SCOC: variants seen among roughly 807,000 people sequenced by gnomAD.
SCOC encodes short coiled coil protein.
SCOC carries 7 observed loss-of-function variants against 9.9 expected under a neutral mutation model. That is an observed-to-expected ratio of 0.71 (90% CI 0.40 to 1.33). The LOEUF (loss-of-function observed/expected upper bound fraction) is 1.33. SCOC is among the 40% of genes most tolerant of loss of function. SCOC has a pLI of 0.01. For synonymous variants in SCOC, 19 were observed against 28.2 expected (o/e 0.67, Z 1.03); for missense variants, 66 against 89.7 (o/e 0.74, Z 1.07).
upstream of SCOC, among the ~76,000 whole-genome samples, chr4:140,371,346 C>T (rs1042564172): frequency 6.6e-5 from 10 of 152,092 alleles, no homozygotes; most frequent in African/African-American, 2.2e-4. Flanking sequence ...TTCTTCCCTA[C>T]GGCGATATAC....
chr4:140,354,001 T>C (rs1462189379), intron 2 of SCOC, among the ~76,000 whole-genome samples: 1 of 152,262 alleles, frequency 6.6e-6, no homozygotes, highest in Non-Finnish European at 1.5e-5. Context: ...GCTCGTAGTG[T>C]GACGTTAGTA....
intron 1 of SCOC, among the ~76,000 whole-genome samples, chr4:140,303,711 C>T (rs1731879346): frequency 6.6e-6 from 1 of 152,172 alleles, no homozygotes; most frequent in Non-Finnish European, 1.5e-5. Context: ...GGAACTCTTA[C>T]TTCCTTTGGG....
intron 1 of SCOC, among the ~76,000 whole-genome samples, chr4:140,338,319 A>G (rs1733018627): frequency 6.6e-6 from 1 of 152,244 alleles, no homozygotes; most frequent in Admixed American, 6.5e-5. Flanking sequence ...AGAGCTATTT[A>G]TGACAAACCC....
intron 1 of SCOC, among the ~76,000 whole-genome samples, chr4:140,313,925 C>T (rs1732232956): frequency 6.6e-6 from 1 of 151,922 alleles, no homozygotes; most frequent in South Asian, 2.1e-4. Context: ...GTCAGGAATT[C>T]CAGACCAGCC....
chr4:140,353,923 C>G (rs748150582), intron 2 of SCOC, among the ~76,000 whole-genome samples: 2 of 152,228 alleles, frequency 1.3e-5, no homozygotes, highest in Non-Finnish European at 2.9e-5. Context: ...TCTCCATACA[C>G]ATGTTTCATT....
intron 1 of SCOC, among the ~76,000 whole-genome samples, chr4:140,274,783 A>C (rs1730938698): frequency 6.6e-6 from 1 of 152,170 alleles, no homozygotes; most frequent in African/African-American, 2.4e-5. Context: ...AAAGCCTTCA[A>C]CCACTCCTCG....
chr4:140,381,083 C>A lies in SCOC; in HGVS notation c.228C>A (p.Asp76Glu). Residue 76 changes from aspartate (D) to glutamate (E), a missense_variant, in exon 4 of 4, where the codon GAC (aspartate) becomes GAA (glutamate). Asp to Glu is a conservative substitution (Grantham distance 45). Coordinates refer to ENST00000608372, the MANE Select transcript of SCOC (RefSeq NM_001153484.2). ...MSASSVFQTT[D>E]TKSKRK ...CTTCTAGTGTTTTTCAAACAACTGA[C>A]ACAAAAAGCAAAAGAAAGTAAGGGA... 6.3e-7 allele frequency: 1 copy of A among 1,597,184 alleles called. No homozygotes were observed. Among genetic ancestry groups the A allele is most frequent in the Non-Finnish European group, 8.5e-7 (1 of 1,175,806 alleles).
intron 1 of SCOC, among the ~76,000 whole-genome samples, chr4:140,258,431 T>C (rs1306791802): frequency 6.6e-6 from 1 of 152,188 alleles, no homozygotes; most frequent in Non-Finnish European, 1.5e-5. Flanking sequence ...AACACTGGAT[T>C]TTTTTGATTA....
chr4:140,339,739 AACCACAATGAGATACCATCTCAC>A (rs1449600977), upstream of SCOC, among the ~76,000 whole-genome samples: 7 of 152,330 alleles, frequency 4.6e-5, no homozygotes, highest in African/African-American at 9.6e-5. Context: ...TGCAAATCAA[AACCACAATGAGATACCATCTCAC>A]ACCAGTTAGA....
rs766368759 is a variant in SCOC, at chr4:140,373,728, T to C, written c.-51+11T>C. 1 of 1,544,144 alleles carries C rather than the reference T, an allele frequency of 6.5e-7. No individual in the cohort carries two copies. Among genetic ancestry groups the C allele is most frequent in the Non-Finnish European group, 8.7e-7 (1 of 1,146,484 alleles). On this transcript the variant is annotated intron_variant, in intron 1 of 3. Transcript: ENST00000608372. ...CGCCTCAAGCGGAAGGTGAGGGCCGTCCCGGGCAGCGGAGGGCCTGGCCCC... is the reference window on the plus strand; with the variant it reads ...CGCCTCAAGCGGAAGGTGAGGGCCGCCCCGGGCAGCGGAGGGCCTGGCCCC...
chr4:140,361,267 A>G (rs1727455176), intron 2 of SCOC, among the ~76,000 whole-genome samples: 1 of 150,156 alleles, frequency 6.7e-6, no homozygotes, highest in African/African-American at 2.5e-5. Context: ...CTAAGAGTAC[A>G]CTTTAGGACT....
At chr4:140,355,140 C>T (rs761216841) in intron 2 of SCOC, among the ~76,000 whole-genome samples, 15 of 148,598 alleles carry the variant, frequency 1.0e-4, no homozygotes, top group Non-Finnish European at 1.8e-4. Context: ...CAGCTGCCAG[C>T]GAATATAAAG....
intron 2 of SCOC, among the ~76,000 whole-genome samples, chr4:140,359,092 T>G (rs1446857791): frequency 6.6e-6 from 1 of 150,704 alleles, no homozygotes; most frequent in Non-Finnish European, 1.5e-5. Flanking sequence ...CCCACAAGTT[T>G]GTGTTGTAGA....
chr4:140,357,360 T>C (rs186895374), intron 2 of SCOC, among the ~76,000 whole-genome samples: 1 of 152,356 alleles, frequency 6.6e-6, no homozygotes, highest in East Asian at 1.9e-4. Context: ...TATATTCACT[T>C]CATTTCTTCT....
chr4:140,357,299 A>C (rs1416767698), intron 2 of SCOC, among the ~76,000 whole-genome samples: 1 of 152,188 alleles, frequency 6.6e-6, no homozygotes, highest in Non-Finnish European at 1.5e-5. Flanking sequence ...TATGGTAATC[A>C]GGTGTACAGA....
At chr4:140,379,312 T>C in intron 2 of SCOC, 120 bp downstream of exon 2, 2 of 777,254 alleles carry the variant, frequency 2.6e-6, no homozygotes, top group Non-Finnish European at 4.5e-6. Context: ...TAATTACTTA[T>C]TTATATCTCA....
At chr4:140,373,486 G>C (rs1728151744), upstream of SCOC, 11 of 1,551,356 alleles carry the variant, frequency 7.1e-6, no homozygotes, top group Middle Eastern at 1.7e-4. Flanking sequence ...TTATGGCAAA[G>C]GTGGATCCCG....
chr4:140,324,231 A>G (rs796891271), intron 1 of SCOC, among the ~76,000 whole-genome samples: 32 of 152,314 alleles, frequency 2.1e-4, no homozygotes, highest in African/African-American at 6.7e-4. Context: ...GCTATGAAAT[A>G]CCTACAACTA....
In SCOC at chr4:140,288,872, C is replaced by A. The variant is rs531140722; in HGVS notation, c.-19+31462C>A. Among the ~76,000 whole-genome samples the A allele has an allele frequency of 1.5e-4, 23 of 152,000 alleles. No individual in the cohort carries two copies. The South Asian group carries it at 4.8e-3, about 32-fold the overall frequency. ...TATATACCCCTCATACAAAACACAC[C>A]CCCATACCACATACATACACAGCTC... On this transcript the variant is annotated intron_variant, in intron 1 of 4. Coordinates refer to the SCOC transcript ENST00000394205.
Sources: gnomAD v4.1 joint callset for allele counts (sites outside exome capture counted in the v4.1 genomes callset) on GRCh38, gnomAD v4.1.1 for gene constraint, MANE v1.5 for transcripts, NCBI Gene and HGNC (gene_info 2026-07-23, HGNC 2026-07-21) for gene names.